Variants in SETBP1 observed in about 807,000 individuals in gnomAD.
SETBP1 encodes the protein SET binding protein 1.
Under a neutral mutation model 101.0 loss-of-function variants are expected in SETBP1, and 9 were observed. The observed-to-expected ratio is 0.09, with a 90% CI of 0.05 to 0.16. The LOEUF (loss-of-function observed/expected upper bound fraction) is 0.16. Ranked by LOEUF, SETBP1 falls within the 10% of genes least tolerant of loss-of-function variation. The probability of loss-of-function intolerance (pLI) is 1.00; values close to 1 mark genes in which losing one functional copy is unlikely to be tolerated. For missense variants in SETBP1, 1,858 were observed against 2,033.8 expected (o/e 0.91, Z 1.66); for synonymous variants, 818 against 788.5 (o/e 1.04, Z -0.63).
intron 2 of SETBP1, among the ~76,000 whole-genome samples, chr18:44,774,378 TGTGTGTGTGTGTGGGTGTGAGTGTGGGG>T (rs1568136538): frequency 6.6e-6 from 1 of 151,028 alleles, no homozygotes; most frequent in Non-Finnish European, 1.5e-5. Flanking sequence ...TGTGTGTGGG[TGTGTGTGTGTGTGGGTGTGAGTGTGGGG>T]GTGTGTGGGT....
chr18:44,760,887 T>C (rs944219725), intron 2 of SETBP1, among the ~76,000 whole-genome samples: 1 of 152,192 alleles, frequency 6.6e-6, no homozygotes, highest in Non-Finnish European at 1.5e-5. Context: ...TTAAATAAGA[T>C]TTAAGTTATG....
chr18:44,936,675 T>A (rs553854437), intron 3 of SETBP1, among the ~76,000 whole-genome samples: 1 of 152,280 alleles, frequency 6.6e-6, no homozygotes, highest in Non-Finnish European at 1.5e-5. Flanking sequence ...GGTCCTCGGA[T>A]GCCAGCCAAC....
chr18:44,862,527 C>T (rs548141643), intron 2 of SETBP1, among the ~76,000 whole-genome samples: 1 of 152,306 alleles, frequency 6.6e-6, no homozygotes, highest in Admixed American at 6.5e-5. Flanking sequence ...CCACCCCCAC[C>T]CCAATGCCTT....
intron 3 of SETBP1, among the ~76,000 whole-genome samples, chr18:44,894,713 A>G (rs2069851285): frequency 6.6e-6 from 1 of 152,054 alleles, no homozygotes; most frequent in Admixed American, 6.6e-5. Context: ...CAATTAAAGT[A>G]TGTGTAGGAA....
In SETBP1 at chr18:44,952,261, A is replaced by G; in HGVS notation, c.2921A>G (p.Tyr974Cys). Residue 974 changes from tyrosine to cysteine, a missense_variant, in exon 4 of 6, where the codon TAC becomes TGC. Coordinates refer to ENST00000649279, the MANE Select transcript of SETBP1 (RefSeq NM_015559.3). ...GTGTTCAGAATCTCCCACCGGAGTT[A>G]CACCTTCTACCACGAGAATCCATAT... ...FQVFRISHRSYTFYHENPYPS... is the reference protein window; with the variant it reads ...FQVFRISHRSCTFYHENPYPS... 1 of 1,614,200 alleles carries G rather than the reference A, an allele frequency of 6.2e-7. No individual in the cohort carries two copies.
At position 45,063,729 on chromosome 18, in the gene SETBP1, A is replaced by G. The variant is rs748328239; in HGVS notation, c.*31A>G. 6.3e-6 allele frequency: 10 copies of G among 1,591,400 alleles called. No individual in the cohort carries two copies. The highest frequency in any genetic ancestry group is 8.6e-6 in the Non-Finnish European group (10 of 1,169,288). ...GTCTGGGCGTCTGCACCTGGGGCCT[A>G]GGGAACTGACACGTGGGAAGCGCAG... On this transcript the variant is annotated 3_prime_UTR_variant, in exon 6 of 6. Coordinates refer to ENST00000649279, the MANE Select transcript of SETBP1 (RefSeq NM_015559.3).
intron 3 of SETBP1, among the ~76,000 whole-genome samples, chr18:44,894,544 A>G (rs899067489): frequency 6.6e-6 from 1 of 152,170 alleles, no homozygotes; most frequent in Non-Finnish European, 1.5e-5. Flanking sequence ...GGAAAAGAAA[A>G]TTATGTTGAC....
At chr18:44,884,166 G>A (rs2069590363) in intron 3 of SETBP1, among the ~76,000 whole-genome samples, 1 of 152,170 alleles carries the variant, frequency 6.6e-6, no homozygotes, top group Non-Finnish European at 1.5e-5. Context: ...CAGGATCAGC[G>A]AGAACTGAGG....
At chr18:44,781,109 G>A (rs1481646382) in intron 2 of SETBP1, among the ~76,000 whole-genome samples, 2 of 152,176 alleles carry the variant, frequency 1.3e-5, no homozygotes, top group Non-Finnish European at 2.9e-5. Flanking sequence ...ACAGGGTACA[G>A]GGTATGAAGG....
At chr18:45,028,607 A>C (rs1481695734) in intron 4 of SETBP1, among the ~76,000 whole-genome samples, 1 of 152,218 alleles carries the variant, frequency 6.6e-6, no homozygotes, top group East Asian at 1.9e-4. Flanking sequence ...CAAGGGCTGA[A>C]CTAGTTTACA....
chr18:44,863,485 G>A (rs1014190162), intron 2 of SETBP1, among the ~76,000 whole-genome samples: 4 of 152,148 alleles, frequency 2.6e-5, no homozygotes, highest in East Asian at 1.9e-4. Context: ...TTCCTTACCC[G>A]TAGGCTGTTC....
At chr18:44,792,822 C>T (rs2071396433) in intron 2 of SETBP1, among the ~76,000 whole-genome samples, 1 of 152,144 alleles carries the variant, frequency 6.6e-6, no homozygotes, top group Non-Finnish European at 1.5e-5. Flanking sequence ...GGAATTTCTC[C>T]CCTTAGGGCT....
chr18:44,954,469 G>A (rs1197896389), intron 4 of SETBP1, among the ~76,000 whole-genome samples: 1 of 151,538 alleles, frequency 6.6e-6, no homozygotes. Flanking sequence ...TTCTGTTTAT[G>A]ATGTGTACCA....
intron 2 of SETBP1, among the ~76,000 whole-genome samples, chr18:44,709,104 T>G (rs1023459650): frequency 2.0e-5 from 3 of 152,228 alleles, no homozygotes; most frequent in African/African-American, 7.2e-5. Flanking sequence ...TTCTCTTTTT[T>G]TCTTCCTGTG....
chr18:44,836,566 G>T (rs552024302), intron 2 of SETBP1, among the ~76,000 whole-genome samples: 3 of 152,338 alleles, frequency 2.0e-5, no homozygotes, highest in African/African-American at 7.2e-5. Context: ...TAGTCTAGAA[G>T]AATGCTCTGA....
intron 4 of SETBP1, among the ~76,000 whole-genome samples, chr18:45,006,880 C>T (rs1246176740): frequency 6.6e-6 from 1 of 152,180 alleles, no homozygotes; most frequent in Non-Finnish European, 1.5e-5. Context: ...TCCTCTGTTG[C>T]ACCAAGTGAA....
chr18:44,909,419 C>CA (rs2070250955), intron 3 of SETBP1, among the ~76,000 whole-genome samples: 1 of 152,204 alleles, frequency 6.6e-6, no homozygotes, highest in South Asian at 2.1e-4. Flanking sequence ...AAATATAACT[C>CA]AGAGTGATGA....
intron 4 of SETBP1, among the ~76,000 whole-genome samples, chr18:44,968,469 C>A (rs923551346): frequency 6.6e-6 from 1 of 152,136 alleles, no homozygotes; most frequent in Non-Finnish European, 1.5e-5. Flanking sequence ...TCTATGTGGA[C>A]GACCTGGGGG....
intron 4 of SETBP1, among the ~76,000 whole-genome samples, chr18:45,014,782 A>G (rs892592842): frequency 4.6e-5 from 7 of 152,158 alleles, no homozygotes; most frequent in African/African-American, 1.7e-4. Flanking sequence ...CCTCCATAAA[A>G]TGAGAATGAA....
Sources: gnomAD v4.1 joint callset for allele counts (sites outside exome capture counted in the v4.1 genomes callset) on GRCh38, gnomAD v4.1.1 for gene constraint, MANE v1.5 for transcripts, NCBI Gene and HGNC (gene_info 2026-07-23, HGNC 2026-07-21) for gene names.